GRK4: variants seen among roughly 807,000 people sequenced by gnomAD.
The protein encoded by GRK4 is G protein-coupled receptor kinase 2-like.
In GRK4, 73 loss-of-function variants were observed where a neutral mutation model predicts 77.9. That is an observed-to-expected ratio of 0.94 (90% CI 0.78 to 1.14). The LOEUF is 1.14. Ranked by LOEUF, GRK4 falls within the 50% of genes most tolerant of loss-of-function variation. The pLI is 0.00. For missense variants in GRK4, 729 were observed against 700.2 expected (o/e 1.04, Z -0.46); for synonymous variants, 257 against 254.4 (o/e 1.01, Z -0.10).
chr4:2,992,069 G>A lies in GRK4; in HGVS notation c.262-146G>A, dbSNP rs564076535. 4.3e-4 allele frequency: 194 copies of A among 454,092 alleles called. 1 individual carries two copies. The highest frequency in any genetic ancestry group is 3.7e-3 in the African/African-American group (183 of 49,360). The allele number at this position is 454,092 out of a possible 1,614,324, so 28.1% of individuals were successfully genotyped here. ...TTTTTTTTTTTTTTTTAAGAGATGG[G>A]ATCTCGCTATGTTGCTCAGGCTGGC... On this transcript the variant is annotated intron_variant, in intron 3 of 15. Transcript: ENST00000398052.
Position 3,029,329 on chromosome 4 carries a change from G to A in GRK4, c.1189G>A (p.Glu397Lys). ...KKYKEKVKWEEVDQRIKNDTE... is the reference protein window; with the variant it reads ...KKYKEKVKWEKVDQRIKNDTE... ...ATACAAAGAGAAAGTCAAATGGGAG[G>A]AGGTCGATCAAAGAATCAAGAATGA... The change falls in exon 12 of 16, where the codon GAG becomes AAG. Residue 397 changes from glutamate to lysine, a missense_variant. Coordinates refer to ENST00000398052, the MANE Select transcript of GRK4 (RefSeq NM_182982.3). 2 of 1,614,114 alleles carry A rather than the reference G, an allele frequency of 1.2e-6. No individual in the cohort carries two copies. Among genetic ancestry groups the A allele is most frequent in the Non-Finnish European group, 8.5e-7 (1 of 1,179,992 alleles).
At chr4:3,037,589 GTGTGTGTGTGTC>G in intron 14 of GRK4, 78 bp downstream of exon 14, 1 of 1,466,784 alleles carries the variant, frequency 6.8e-7, no homozygotes, top group Non-Finnish European at 9.4e-7. Context: ...GTGTCCGTGT[GTGTGTGTGTGTC>G]TGTGTGTATT....
intron 13 of GRK4, among the ~76,000 whole-genome samples, chr4:3,035,992 A>C (rs1467646698): frequency 6.8e-6 from 1 of 147,268 alleles, no homozygotes; most frequent in African/African-American, 2.5e-5. Flanking sequence ...GCTCATTTTC[A>C]CTTCTTTTCT....
chr4:2,979,133 G>A (rs1308790854), intron 1 of GRK4, among the ~76,000 whole-genome samples: 1 of 151,972 alleles, frequency 6.6e-6, no homozygotes, highest in Admixed American at 6.6e-5. Context: ...GCTGAGGCAG[G>A]AGAATGGTGT....
intron 2 of GRK4, chr4:2,986,765 A>G (rs1724509978): frequency 3.4e-6 from 1 of 290,796 alleles, no homozygotes; most frequent in African/African-American, 2.3e-5. Context: ...GGACACATTT[A>G]TTCCAAGATT....
chr4:2,985,756 TG>T, intron 2 of GRK4: 1 of 316,342 alleles, frequency 3.2e-6, no homozygotes, highest in Non-Finnish European at 6.2e-6. Context: ...CCCAGCACTT[TG>T]GGAGACTGAG....
intron 12 of GRK4, among the ~76,000 whole-genome samples, chr4:3,033,948 G>C (rs1739879616): frequency 6.6e-6 from 1 of 152,224 alleles, no homozygotes. Context: ...CTGTTACTGA[G>C]CGCCTGCTCT....
rs1263313 is a variant in GRK4, at chr4:2,972,108, T to C, written c.52+7986T>C. Among the ~76,000 whole-genome samples, 267 of 152,302 alleles carry C rather than the reference T, an allele frequency of 1.8e-3. 2 individuals carry two copies. Among genetic ancestry groups the C allele is most frequent in the Middle Eastern group, 3.4e-3 (1 of 294 alleles). On this transcript the variant is annotated intron_variant, in intron 1 of 15. Transcript: ENST00000398052. ...CTCTGAAACAGATGAAGGCAGCCCA[T>C]AGAGGGGATCCTTGGGCCTTCAAAC...
intron 3 of GRK4, among the ~76,000 whole-genome samples, chr4:2,991,031 G>A (rs1404503930): frequency 6.6e-6 from 1 of 152,150 alleles, no homozygotes; most frequent in African/African-American, 2.4e-5. Context: ...ATGAATTAGT[G>A]GCATCTGTAT....
At chr4:2,965,720 G>A in intron 1 of GRK4, 2 of 460,200 alleles carry the variant, frequency 4.3e-6, no homozygotes, top group Non-Finnish European at 8.0e-6. Context: ...GTATTTTTGT[G>A]CACCAACTCA....
intron 4 of GRK4, among the ~76,000 whole-genome samples, chr4:2,995,506 T>TAAAAAAAAA (rs35993504): frequency 1.1e-5 from 1 of 93,982 alleles, no homozygotes; most frequent in Non-Finnish European, 2.1e-5. Context: ...TCATCTCTAC[T>TAAAAAAAAA]AAAAAAAAAA....
chr4:3,017,417 C>G (rs889515633), intron 8 of GRK4, among the ~76,000 whole-genome samples: 8 of 152,186 alleles, frequency 5.3e-5, no homozygotes, highest in Non-Finnish European at 1.0e-4. Flanking sequence ...CAGAGCTCCT[C>G]AGGGCCATGC....
chr4:3,040,163 G>A (rs1281659253), intron 15 of GRK4, among the ~76,000 whole-genome samples: 1 of 152,086 alleles, frequency 6.6e-6, no homozygotes, highest in Admixed American at 6.6e-5. Flanking sequence ...CCCCCTGGCC[G>A]GGCACGCTGG....
intron 7 of GRK4, among the ~76,000 whole-genome samples, chr4:3,010,507 G>A (rs1160726551): frequency 6.6e-6 from 1 of 152,148 alleles, no homozygotes; most frequent in African/African-American, 2.4e-5. Context: ...GATTACAGGC[G>A]TGAGCCACCG....
intron 1 of GRK4, among the ~76,000 whole-genome samples, chr4:2,976,697 A>G (rs1721294612): frequency 6.8e-6 from 1 of 146,514 alleles, no homozygotes; most frequent in African/African-American, 2.6e-5. Flanking sequence ...CTGGAGTGCA[A>G]CGGCATGATC....
intron 14 of GRK4, 72 bp from the exon 15 acceptor site, chr4:3,038,304 T>C (rs1442170933): frequency 4.4e-6 from 7 of 1,583,296 alleles, no homozygotes; most frequent in Middle Eastern, 1.7e-4. Context: ...CAGGAGCTGC[T>C]GGCACTGGGA....
At chr4:3,037,538 TA>T in intron 14 of GRK4, 27 bp downstream of exon 14, 1 of 1,588,402 alleles carries the variant, frequency 6.3e-7, no homozygotes, top group Non-Finnish European at 8.6e-7. Context: ...ACAGCCGCTT[TA>T]CGTTAGTTCC....
intron 4 of GRK4, among the ~76,000 whole-genome samples, chr4:3,001,403 G>A (rs1167720528): frequency 2.2e-5 from 3 of 139,202 alleles, no homozygotes; most frequent in African/African-American, 8.2e-5. Flanking sequence ...TTTCGCTCTT[G>A]TAGCCCAGGC....
In GRK4 at chr4:3,038,389, G is replaced by A. The variant is rs779444745; in HGVS notation, c.1559G>A (p.Gly520Glu). 2 of 1,614,114 alleles carry A rather than the reference G, an allele frequency of 1.2e-6. No homozygotes were observed. The highest frequency in any genetic ancestry group is 4.5e-5 in the East Asian group (2 of 44,884). Residue 520 changes from glycine (G) to glutamate (E), a missense_variant, in exon 15 of 16, where the codon GGG (glycine) becomes GAG (glutamate). Gly to Glu is a moderately conservative substitution (Grantham distance 98). Transcript: ENST00000398052. ...CTGTGCATGCAGATGATCGAATCTG[G>A]GTGTTTCAAAGACATCAACAAAAGT... ...IPWQNEMIES[G>E]CFKDINKSES... is the part of the protein sequence containing the mutation.
Sources: allele counts gnomAD v4.1 joint callset (sites outside exome capture counted in the v4.1 genomes callset), GRCh38; gene constraint gnomAD v4.1.1; transcripts MANE v1.5; gene names NCBI Gene and HGNC (gene_info 2026-07-23, HGNC 2026-07-21).